Variants in CYP3A5 observed in about 807,000 individuals in gnomAD.
The protein encoded by CYP3A5 is cytochrome P450 family 3 subfamily A member 5, also known as cytochrome P450 3A5.
A neutral mutation model predicts 55.9 loss-of-function variants in CYP3A5; 51 were observed. The observed-to-expected ratio is 0.91, with a 90% CI of 0.73 to 1.15. The LOEUF (loss-of-function observed/expected upper bound fraction) is 1.15, where lower values mean the gene tolerates loss of function less well. Ranked by LOEUF, CYP3A5 falls within the 50% of genes most tolerant of loss-of-function variation. The pLI, the probability that CYP3A5 is intolerant of heterozygous loss-of-function variation, is 0.00. For synonymous variants in CYP3A5, 196 were observed against 213.9 expected (o/e 0.92, Z 0.73); for missense variants, 533 against 596.6 (o/e 0.89, Z 1.11).
In CYP3A5 at chr7:99,662,082, C is replaced by CAGAT. The variant is rs1359933237; in HGVS notation, c.865+730_865+733dup. Reference sequence around the variant, plus strand: ...AAATTATAGGCAGATAGATGATTGACAGATAGATAGACAGACAGAAGTAGA... The same window carrying CAGAT: ...AAATTATAGGCAGATAGATGATTGACAGATAGATAGATAGACAGACAGAAGTAGA... On this transcript the variant is annotated intron_variant, in intron 9 of 12. Coordinates refer to ENST00000222982, the MANE Select transcript of CYP3A5 (RefSeq NM_000777.5). The surrounding 1 kb of genome is among the most constrained non-coding windows in gnomAD (Gnocchi z 4.3). 6.6e-6 allele frequency among the ~76,000 whole-genome samples: 1 copy of CAGAT among 152,136 alleles called. No individual in the cohort carries two copies. Among genetic ancestry groups the CAGAT allele is most frequent in the South Asian group, 2.1e-4 (1 of 4,820 alleles).
At chr7:99,666,464 TG>T in intron 6 of CYP3A5, 136 bp downstream of exon 6, 1 of 904,122 alleles carries the variant, frequency 1.1e-6, no homozygotes, top group Non-Finnish European at 1.8e-6. Flanking sequence ...CCCTCTTAGG[TG>T]GCTCTTTGGA....
chr7:99,663,241 C>T, intron 8 of CYP3A5: 1 of 1,053,414 alleles, frequency 9.5e-7, no homozygotes, highest in South Asian at 3.3e-5. Context: ...ATTCTTCTAC[C>T]TTTTTCTTCA....
intron 10 of CYP3A5, among the ~76,000 whole-genome samples, chr7:99,658,248 C>T (rs892752232): frequency 1.3e-5 from 2 of 152,184 alleles, no homozygotes; most frequent in African/African-American, 4.8e-5. Flanking sequence ...TTTAGTGCTT[C>T]CTTCAAGAGC....
At chr7:99,666,731 A>T (rs779523431) in intron 5 of CYP3A5, 42 bp from the exon 6 acceptor site, 1 of 1,613,770 alleles carries the variant, frequency 6.2e-7, no homozygotes, top group South Asian at 1.1e-5. Flanking sequence ...AAATGTGCAG[A>T]CTCAAGTCCC....
intron 11 of CYP3A5, among the ~76,000 whole-genome samples, chr7:99,651,478 G>A (rs998129096): frequency 3.9e-5 from 6 of 152,068 alleles, no homozygotes; most frequent in African/African-American, 1.4e-4. Context: ...TGGAAGTGCT[G>A]AGCTTGCAGG....
intron 4 of CYP3A5, 36 bp downstream of exon 4, chr7:99,672,544 C>A: frequency 6.6e-7 from 1 of 1,521,378 alleles, no homozygotes; most frequent in South Asian, 1.1e-5. Flanking sequence ...ATCAGTGGAT[C>A]AATCATTATT....
At chr7:99,678,616 C>T (rs908581994) in intron 1 of CYP3A5, among the ~76,000 whole-genome samples, 6 of 152,144 alleles carry the variant, frequency 3.9e-5, no homozygotes, top group South Asian at 2.1e-4. Flanking sequence ...GAACTAACAG[C>T]CCTGTTTTAC....
intron 1 of CYP3A5, among the ~76,000 whole-genome samples, chr7:99,678,247 A>G (rs1194018422): frequency 6.6e-6 from 1 of 152,226 alleles, no homozygotes; most frequent in Non-Finnish European, 1.5e-5. Flanking sequence ...GAAGCAGATG[A>G]GATGCCAACC....
At chr7:99,676,960 G>C (rs1812354572) in intron 1 of CYP3A5, among the ~76,000 whole-genome samples, 1 of 152,156 alleles carries the variant, frequency 6.6e-6, no homozygotes, top group Admixed American at 6.5e-5. Context: ...TTGAATGATT[G>C]TGTGCAGAAG....
At chr7:99,674,742 C>T (rs567625832) in intron 2 of CYP3A5, among the ~76,000 whole-genome samples, 157 bp from the exon 3 acceptor site, 3 of 152,306 alleles carry the variant, frequency 2.0e-5, no homozygotes, top group African/African-American at 4.8e-5. Flanking sequence ...AAGGGAAAGA[C>T]AAGAAAACAG....
At chr7:99,669,669 T>C (rs1326649704) in intron 4 of CYP3A5, among the ~76,000 whole-genome samples, 1 of 152,218 alleles carries the variant, frequency 6.6e-6, no homozygotes, top group Non-Finnish European at 1.5e-5. Context: ...ACACTACAGA[T>C]ACGGCACAAC....
chr7:99,679,018 C>G (rs529669358), intron 1 of CYP3A5, among the ~76,000 whole-genome samples: 3 of 152,338 alleles, frequency 2.0e-5, no homozygotes, highest in South Asian at 4.1e-4. Flanking sequence ...TTCATGGCTC[C>G]TGCCTTTTCA....
In CYP3A5 at chr7:99,660,133, A is replaced by T. The variant is rs41303337; in HGVS notation, c.1026+366T>A. On this transcript the variant is annotated intron_variant, in intron 10 of 12. Coordinates refer to ENST00000222982, the MANE Select transcript of CYP3A5 (RefSeq NM_000777.5). ...CCCGGTACCTCAGTTGGAAATGCAG[A>T]AATCATTCGTCTTCTGTGTTGCTCA... 7.2e-3 allele frequency: 5,784 copies of T among 799,752 alleles called. 261 individuals carry two copies. In the African/African-American group the frequency reaches 0.1, roughly 14 times the overall value. The allele number at this position is 799,752 out of a possible 1,614,324, so 49.5% of individuals were successfully genotyped here.
Position 99,672,455 on chromosome 7 carries a change from T to A in CYP3A5, c.318+125A>T. 6.5e-6 allele frequency: 5 copies of A among 771,100 alleles called. No individual in the cohort carries two copies. The South Asian group carries it at 8.0e-5, about 12-fold the overall frequency. 47.8% of individuals were successfully genotyped at this position (771,100 alleles called of 1,614,324 possible). A position where few individuals can be genotyped will look rare whatever the true frequency, so the allele number is the denominator to read the frequency against. On this transcript the variant is annotated intron_variant, in intron 4 of 12. Transcript: ENST00000222982. ...GATGTTACCACTGGGCGGGACAGGATGAAGAGTACATGGAACCTTCCTGTA... is the reference window on the plus strand; with the variant it reads ...GATGTTACCACTGGGCGGGACAGGAAGAAGAGTACATGGAACCTTCCTGTA...
intron 1 of CYP3A5, 26 bp from the exon 2 acceptor site, chr7:99,676,234 C>T (rs759341502): frequency 6.2e-7 from 1 of 1,612,714 alleles, no homozygotes; most frequent in Non-Finnish European, 8.5e-7. Flanking sequence ...GAAATCAGGT[C>T]ACAGGGATTG....
At chr7:99,670,597 A>G (rs1407195330) in intron 4 of CYP3A5, among the ~76,000 whole-genome samples, 2 of 152,342 alleles carry the variant, frequency 1.3e-5, no homozygotes, top group East Asian at 1.9e-4. Flanking sequence ...TAGAGCTGCA[A>G]TCTGATGTTC....
intron 1 of CYP3A5, among the ~76,000 whole-genome samples, chr7:99,677,452 A>G (rs185101057): frequency 2.6e-5 from 4 of 152,358 alleles, no homozygotes; most frequent in Admixed American, 6.5e-5. Context: ...TGTTGATAGC[A>G]AATGGTGCAG....
chr7:99,673,982 C>T (rs183509974), intron 3 of CYP3A5, among the ~76,000 whole-genome samples: 12 of 152,234 alleles, frequency 7.9e-5, no homozygotes, highest in African/African-American at 1.9e-4. Flanking sequence ...TTTACAATAG[C>T]GAGTGTGAAC....
intron 4 of CYP3A5, among the ~76,000 whole-genome samples, chr7:99,668,280 AG>A (rs1417061043): frequency 6.6e-6 from 1 of 152,212 alleles, no homozygotes. Context: ...AAGTAATAAA[AG>A]CTAAAGAAAT....
Sources: allele counts gnomAD v4.1 joint callset (sites outside exome capture counted in the v4.1 genomes callset), GRCh38; gene constraint gnomAD v4.1.1; non-coding constraint Gnocchi (gnomAD v3.1); transcripts MANE v1.5; gene names NCBI Gene and HGNC (gene_info 2026-07-23, HGNC 2026-07-21).